The following ZNF367 variants were observed in gnomAD, a reference collection of about 807,000 sequenced individuals.
The protein encoded by ZNF367 is C2H2 zinc finger protein ZFF29.
ZNF367 carries 11 observed loss-of-function variants against 31.8 expected under a neutral mutation model. The ratio of observed to expected loss-of-function variants is 0.35; its 90% CI spans 0.22 to 0.57. The LOEUF is 0.57. Ranked by LOEUF, ZNF367 falls within the 20% of genes least tolerant of loss-of-function variation. The pLI, the probability that ZNF367 is intolerant of heterozygous loss-of-function variation, is 0.85. For missense variants in ZNF367, 353 were observed against 484.1 expected, an observed-to-expected ratio of 0.73 and a Z score of 2.54; for synonymous variants, 199 against 202.4, an observed-to-expected ratio of 0.98 and a Z score of 0.14.
At chr9:96,397,239 C>T (rs991139163) in intron 2 of ZNF367, among the ~76,000 whole-genome samples, 1 of 151,800 alleles carries the variant, frequency 6.6e-6, no homozygotes, top group African/African-American at 2.4e-5. Flanking sequence ...AGTTTCCTCA[C>T]CTGTAAACTA....
intron 1 of ZNF367, among the ~76,000 whole-genome samples, chr9:96,400,497 T>TA (rs1237752706): frequency 7.1e-6 from 1 of 141,510 alleles, no homozygotes; most frequent in Non-Finnish European, 1.6e-5. Flanking sequence ...ACAGAAATTA[T>TA]AAAAAAGAAT....
At chr9:96,389,294 C>T (rs936291496) in intron 4 of ZNF367, among the ~76,000 whole-genome samples, 3 of 140,696 alleles carry the variant, frequency 2.1e-5, no homozygotes, top group Non-Finnish European at 4.5e-5. Context: ...AGCGAGACTC[C>T]GTTTCAAGAA....
intron 1 of ZNF367, among the ~76,000 whole-genome samples, chr9:96,410,579 A>AC (rs1831734235): frequency 2.9e-5 from 4 of 138,766 alleles, no homozygotes; most frequent in African/African-American, 5.7e-5. Flanking sequence ...AAAAAAAAAA[A>AC]CAAAAAAAAC....
At chr9:96,412,777 C>G (rs1163753539) in intron 1 of ZNF367, among the ~76,000 whole-genome samples, 3 of 149,170 alleles carry the variant, frequency 2.0e-5, no homozygotes, top group Non-Finnish European at 4.4e-5. Context: ...CTCATTGCAA[C>G]CTCTGCCTCC....
chr9:96,393,228 A>T (rs1166611374), intron 3 of ZNF367, among the ~76,000 whole-genome samples: 1 of 152,168 alleles, frequency 6.6e-6, no homozygotes, highest in Non-Finnish European at 1.5e-5. Flanking sequence ...TTTAAAAAAC[A>T]AATTAAATAT....
intron 4 of ZNF367, among the ~76,000 whole-genome samples, chr9:96,390,707 G>C (rs1479074624): frequency 3.3e-5 from 5 of 151,822 alleles, no homozygotes; most frequent in African/African-American, 1.2e-4. Flanking sequence ...AACGTGACAA[G>C]ACCCAGTCTC....
chr9:96,388,871 C>T (rs1831436129), intron 4 of ZNF367, among the ~76,000 whole-genome samples: 1 of 152,198 alleles, frequency 6.6e-6, no homozygotes. Flanking sequence ...AACCCACAAA[C>T]TATGAAAAAG....
rs941128864 is a variant in ZNF367, at chr9:96,417,412, G to C, written c.420+201C>G. ...ACCTGCCGCAAGGACGGTCTCCCGC[G>C]CCGCTCCCGCCTGTCACGTGACAGG... On this transcript the variant is annotated intron_variant, in intron 1 of 4. Transcript: ENST00000375256. The surrounding 1 kb of genome is among the most constrained non-coding windows in gnomAD (Gnocchi z 5.0). Among the ~76,000 whole-genome samples the C allele has an allele frequency of 7.0e-6, 1 of 143,494 alleles. No individual in the cohort carries two copies. Among genetic ancestry groups the C allele is most frequent in the Non-Finnish European group, 1.5e-5 (1 of 66,496 alleles). The allele number at this position is 143,494 out of a possible 152,430, so 94.1% of individuals were successfully genotyped here.
intron 1 of ZNF367, among the ~76,000 whole-genome samples, chr9:96,413,971 T>C (rs1424901890): frequency 6.6e-6 from 1 of 152,244 alleles, no homozygotes; most frequent in Non-Finnish European, 1.5e-5. Flanking sequence ...TATTGCAGAC[T>C]TGTCTCCTCT....
intron 1 of ZNF367, among the ~76,000 whole-genome samples, chr9:96,410,561 C>CAAAAAAAAA (rs35609930): frequency 7.2e-5 from 5 of 69,614 alleles, no homozygotes; most frequent in African/African-American, 9.4e-5. Flanking sequence ...GACTCCGTCT[C>CAAAAAAAAA]AAAAAAAAAA....
At chr9:96,399,005 G>A (rs995538173) in intron 1 of ZNF367, among the ~76,000 whole-genome samples, 2 of 152,108 alleles carry the variant, frequency 1.3e-5, no homozygotes, top group African/African-American at 4.8e-5. Context: ...GCCACCTGGG[G>A]CAAAAGATTT....
rs2131068619 is a variant in ZNF367, at chr9:96,388,131, A to G, written c.*106T>C. ...AACATTCTTCATAAATTTCTACAGA[A>G]TAGCAGCCTATGATAAGCAAATAAG... On this transcript the variant is annotated 3_prime_UTR_variant, in exon 5 of 5. Coordinates refer to ENST00000375256, the MANE Select transcript of ZNF367 (RefSeq NM_153695.4). The G allele has an allele frequency of 4.5e-6, 5 of 1,107,058 alleles. No homozygotes were observed. The South Asian group carries it at 8.2e-5, about 18-fold the overall frequency. The allele number at this position is 1,107,058 out of a possible 1,614,324, so 68.6% of individuals were successfully genotyped here.
intron 1 of ZNF367, among the ~76,000 whole-genome samples, chr9:96,408,294 A>C (rs962370839): frequency 6.6e-6 from 1 of 152,232 alleles, no homozygotes; most frequent in Admixed American, 6.5e-5. Flanking sequence ...AATCTCAAAG[A>C]CATATTTGCA....
chr9:96,392,563 C>G, intron 3 of ZNF367, 27 bp from the exon 4 acceptor site: 1 of 1,575,932 alleles, frequency 6.3e-7, no homozygotes, highest in Non-Finnish European at 8.7e-7. Context: ...TAACACCTGT[C>G]AGGATCTGGA....
chr9:96,411,111 T>C (rs1831743024), intron 1 of ZNF367, among the ~76,000 whole-genome samples: 2 of 150,238 alleles, frequency 1.3e-5, no homozygotes, highest in Admixed American at 6.6e-5. Context: ...TTGAACCCGA[T>C]AGGCCAAGGC....
In ZNF367 at chr9:96,417,896, C is replaced by G; in HGVS notation, c.137G>C (p.Gly46Ala). 6.6e-7 allele frequency: 1 copy of G among 1,522,558 alleles called. No homozygotes were observed. 94.3% of individuals were successfully genotyped at this position (1,522,558 alleles called of 1,614,324 possible). A position where few individuals can be genotyped will look rare whatever the true frequency, so the allele number is the denominator to read the frequency against. Residue 46 changes from glycine (G) to alanine (A), a missense_variant, in exon 1 of 5, where the codon GGT (glycine) becomes GCT (alanine). This residue lies in a region of ZNF367 where 94 missense variants were observed against 86.7 expected (regional missense o/e 1.08). Coordinates refer to ENST00000375256, the MANE Select transcript of ZNF367 (RefSeq NM_153695.4). The surrounding 1 kb of genome is among the most constrained non-coding windows in gnomAD (Gnocchi z 5.0). ...RTTPIKPTCG[G>A]GGEPEPPPPL... is the part of the protein sequence containing the mutation. ...CGGCGGCGGCTCCGGCTCCCCTCCA[C>G]CGCCGCACGTTGGCTTGATCGGGGT...
At chr9:96,405,367 T>C (rs1419837550) in intron 1 of ZNF367, among the ~76,000 whole-genome samples, 1 of 136,582 alleles carries the variant, frequency 7.3e-6, no homozygotes, top group East Asian at 2.1e-4. Flanking sequence ...TTTAGGAAAA[T>C]GCTAATTGAA....
intron 1 of ZNF367, among the ~76,000 whole-genome samples, chr9:96,403,949 T>C (rs1831639937): frequency 6.6e-6 from 1 of 152,196 alleles, no homozygotes; most frequent in Non-Finnish European, 1.5e-5. Context: ...ATCCCAGCAC[T>C]TTGGGAGGCC....
chr9:96,391,844 T>C (rs1831476848), intron 4 of ZNF367, among the ~76,000 whole-genome samples: 1 of 152,154 alleles, frequency 6.6e-6, no homozygotes, highest in Non-Finnish European at 1.5e-5. Context: ...AGTGGGGCCA[T>C]CTTGGCTCAC....
Sources: allele counts gnomAD v4.1 joint callset (sites outside exome capture counted in the v4.1 genomes callset), GRCh38; gene constraint gnomAD v4.1.1; regional missense constraint gnomAD v4.1.1; non-coding constraint Gnocchi (gnomAD v3.1); transcripts MANE v1.5; gene names NCBI Gene and HGNC (gene_info 2026-07-23, HGNC 2026-07-21).